Variants in HDGFL3 observed in about 807,000 individuals in gnomAD.
HDGFL3 encodes hepatoma-derived growth factor-related protein 3.
HDGFL3 carries 6 observed loss-of-function variants against 27.6 expected under a neutral mutation model. The ratio of observed to expected loss-of-function variants is 0.22; its 90% CI spans 0.12 to 0.43. The LOEUF (loss-of-function observed/expected upper bound fraction) is 0.43. Ranked by LOEUF, HDGFL3 falls within the 20% of genes least tolerant of loss-of-function variation. The pLI is 1.00. For missense variants in HDGFL3, 207 were observed against 250.1 expected, an observed-to-expected ratio of 0.83 and a Z score of 1.16; for synonymous variants, 88 against 88.9, an observed-to-expected ratio of 0.99 and a Z score of 0.05.
rs147628133 is a variant in HDGFL3 at position 83,143,167 on chromosome 15, C to T, written c.607-3892G>A. Among the ~76,000 whole-genome samples, 1,361 of 152,184 alleles carry T rather than the reference C, an allele frequency of 8.9e-3. 5 individuals are homozygous for T. The highest frequency in any genetic ancestry group is 0.014 in the Non-Finnish European group (929 of 67,998). On this transcript the variant is annotated intron_variant, in intron 5 of 5. Transcript: ENST00000299633. The stretch of plus-strand genomic sequence containing the variant: ...AGCTGGGATTACGGGCACATGCCAC[C>T]ACGCCCAGCTAATTTTGTATTTTTT...
chr15:83,175,605 A>AT (rs1231521613), intron 1 of HDGFL3, among the ~76,000 whole-genome samples: 2 of 152,204 alleles, frequency 1.3e-5, no homozygotes, highest in African/African-American at 4.8e-5. Flanking sequence ...CATGCCTGTA[A>AT]TCCCAGCGCT....
intron 1 of HDGFL3, among the ~76,000 whole-genome samples, chr15:83,184,193 C>T (rs1705681516): frequency 6.6e-6 from 1 of 152,138 alleles, no homozygotes; most frequent in African/African-American, 2.4e-5. Context: ...CTTTTTTACC[C>T]TTGAATTCTG....
chr15:83,113,837 C>T (rs2034413059), exon 4 of HDGFL3: 1 of 152,248 alleles, frequency 6.6e-6, no homozygotes, highest in Non-Finnish European at 1.5e-5. Context: ...CCATCTTACT[C>T]CCACCCATAT....
At chr15:83,182,929 G>T (rs905121143) in intron 1 of HDGFL3, among the ~76,000 whole-genome samples, 10 of 152,176 alleles carry the variant, frequency 6.6e-5, no homozygotes, top group Admixed American at 6.5e-4. Flanking sequence ...TTAGCAAAAT[G>T]CTAACTATAG....
Position 83,132,357 on chromosome 15 carries a change from G to T in HDGFL3, c.*6913C>A, listed in dbSNP as rs1034460045. ...AACAAAGAAACTGGGTGAAAGCTTT[G>T]GGACAGACTCACCATGGGCTTGGTA... is the stretch of plus-strand genomic sequence containing the variant. On this transcript the variant is annotated 3_prime_UTR_variant, in exon 6 of 6. Transcript: ENST00000299633. 1.3e-5 allele frequency: 2 copies of T among 152,158 alleles called. No individual in the cohort carries two copies. Among genetic ancestry groups the T allele is most frequent in the Non-Finnish European group, 2.9e-5 (2 of 68,046 alleles). The allele number at this position is 152,158 out of a possible 1,614,324, so 9.4% of individuals were successfully genotyped here. A position where few individuals can be genotyped will look rare whatever the true frequency, so the allele number is the denominator to read the frequency against.
intron 1 of HDGFL3, among the ~76,000 whole-genome samples, chr15:83,190,207 C>CAAA: frequency 8.6e-6 from 1 of 116,540 alleles, no homozygotes; most frequent in East Asian, 2.4e-4. Flanking sequence ...AACTCTGTCT[C>CAAA]AAAAAAAAAA....
chr15:83,194,847 C>T (rs573393377), intron 1 of HDGFL3, among the ~76,000 whole-genome samples: 2 of 152,188 alleles, frequency 1.3e-5, no homozygotes, highest in Admixed American at 6.5e-5. Flanking sequence ...CTCATCCCTT[C>T]GAAAACAACA....
intron 2 of HDGFL3, among the ~76,000 whole-genome samples, chr15:83,159,849 GCA>G (rs912135739): frequency 3.3e-4 from 50 of 152,192 alleles, no homozygotes; most frequent in African/African-American, 1.1e-3. Context: ...CAGAGTAGGG[GCA>G]CAGATTATTT....
chr15:83,198,053 T>C (rs1596569485), intron 1 of HDGFL3, among the ~76,000 whole-genome samples: 1 of 8,652 alleles, frequency 1.2e-4, no homozygotes, highest in Non-Finnish European at 1.8e-4. Flanking sequence ...AGACTCCGTC[T>C]CAAAAAAAAA....
chr15:83,197,936 G>T (rs545172727), intron 1 of HDGFL3, among the ~76,000 whole-genome samples: 1 of 150,434 alleles, frequency 6.6e-6, no homozygotes, highest in South Asian at 2.1e-4. Flanking sequence ...TTGGGAGGCT[G>T]AGGCAGGAGA....
Position 83,192,816 on chromosome 15 carries a change from C to T in HDGFL3, c.84+14515G>A, listed in dbSNP as rs530229347. On this transcript the variant is annotated intron_variant, in intron 1 of 5. Transcript: ENST00000299633. ...CACCCTATATGTACAACATCTGATT[C>T]AATCATTTAAATAATCAAACACAGG... 4.6e-5 allele frequency among the ~76,000 whole-genome samples: 7 copies of T among 152,296 alleles called. No individual in the cohort carries two copies. In the South Asian group the frequency reaches 1.4e-3, roughly 32 times the overall value.
At chr15:83,114,278 AC>A (rs1359445568) in exon 4 of HDGFL3, 1 of 152,370 alleles carries the variant, frequency 6.6e-6, no homozygotes, top group Non-Finnish European at 1.5e-5. Context: ...GTCTGTTACA[AC>A]TTTGAGTACA....
At chr15:83,169,292 G>C in intron 1 of HDGFL3, 1 of 404,526 alleles carries the variant, frequency 2.5e-6, no homozygotes, top group Non-Finnish European at 4.9e-6. Flanking sequence ...AGAATTTCAA[G>C]AAATAAGGCA....
intron 1 of HDGFL3, among the ~76,000 whole-genome samples, chr15:83,170,876 C>CAAAAA (rs34510031): frequency 2.6e-5 from 2 of 77,754 alleles, no homozygotes; most frequent in African/African-American, 4.7e-5. Context: ...ATTCAACAAG[C>CAAAAA]AAAAAAAAAA....
rs1344998212 is a variant in HDGFL3 at position 83,138,606 on chromosome 15, G to A, written c.*664C>T. 1 of 152,464 alleles carries A rather than the reference G, an allele frequency of 6.6e-6. No homozygotes were observed. The highest frequency in any genetic ancestry group is 1.5e-5 in the Non-Finnish European group (1 of 67,970). 9.4% of individuals were successfully genotyped at this position (152,464 alleles called of 1,614,324 possible). On this transcript the variant is annotated 3_prime_UTR_variant, in exon 6 of 6. Coordinates refer to ENST00000299633, the MANE Select transcript of HDGFL3 (RefSeq NM_016073.4). ...GGCACTGGGAAAAAAATAAATCATT[G>A]CCTTTATTTTGGAGTAACACAAAAA...
intron 1 of HDGFL3, among the ~76,000 whole-genome samples, chr15:83,192,500 C>G (rs948358684): frequency 2.6e-5 from 4 of 151,988 alleles, no homozygotes; most frequent in African/African-American, 9.7e-5. Flanking sequence ...CAATGTAGTT[C>G]CCAATAAAAT....
intron 5 of HDGFL3, among the ~76,000 whole-genome samples, chr15:83,143,652 G>A (rs186912777): frequency 1.3e-5 from 2 of 152,156 alleles, no homozygotes; most frequent in African/African-American, 4.8e-5. Context: ...ACGGTGAGAG[G>A]TAAGACTGCA....
chr15:83,162,245 T>G (rs2037111126), intron 2 of HDGFL3, among the ~76,000 whole-genome samples: 1 of 152,208 alleles, frequency 6.6e-6, no homozygotes, highest in Non-Finnish European at 1.5e-5. Flanking sequence ...CATTCATACT[T>G]GCCAGGGCAA....
intron 5 of HDGFL3, among the ~76,000 whole-genome samples, chr15:83,143,169 C>T (rs933743318): frequency 2.8e-4 from 42 of 152,054 alleles, no homozygotes; most frequent in African/African-American, 8.9e-4. Flanking sequence ...CATGCCACCA[C>T]GCCCAGCTAA....
Sources: allele counts gnomAD v4.1 joint callset (sites outside exome capture counted in the v4.1 genomes callset), GRCh38; gene constraint gnomAD v4.1.1; transcripts MANE v1.5; gene names NCBI Gene and HGNC (gene_info 2026-07-23, HGNC 2026-07-21).